ERI1: variants seen among roughly 807,000 people sequenced by gnomAD.
The protein encoded by ERI1 is 3'-5' exoribonuclease 1.
ERI1 carries 39 observed loss-of-function variants against 39.7 expected under a neutral mutation model. The ratio of observed to expected loss-of-function variants is 0.98; its 90% CI spans 0.76 to 1.28. The LOEUF (loss-of-function observed/expected upper bound fraction) is 1.28. Among genes scored for constraint, ERI1 ranks in the 50% most tolerant of loss-of-function variants. ERI1 has a pLI of 0.00. For missense variants in ERI1, 581 were observed against 416.9 expected (o/e 1.39, Z -3.43); for synonymous variants, 204 against 149.6 (o/e 1.36, Z -2.65).
In ERI1 at chr8:9,039,622, A is replaced by G. The variant is rs142110667; in HGVS notation, n.299+19158A>G. On this transcript the variant is annotated intron_variant and non_coding_transcript_variant, in intron 3 of 3. Coordinates refer to the ERI1 transcript ENST00000518663. ...TTGATGAAAGGCAAGATATTCTTTC[A>G]ATATAGGTGTGTACGTATATTGAAC... 2.0e-4 allele frequency among the ~76,000 whole-genome samples: 30 copies of G among 152,348 alleles called. 1 individual carries two copies. Among genetic ancestry groups the G allele is most frequent in the Non-Finnish European group, 2.4e-4 (16 of 68,014 alleles).
chr8:9,019,496 A>C (rs1817660127), intron 5 of ERI1, among the ~76,000 whole-genome samples: 1 of 152,202 alleles, frequency 6.6e-6, no homozygotes, highest in Admixed American at 6.5e-5. Context: ...GTTCTGGTAA[A>C]GTCTCATTTT....
intron 3 of ERI1, among the ~76,000 whole-genome samples, chr8:9,074,061 C>T (rs1014635618): frequency 2.0e-5 from 3 of 152,088 alleles, no homozygotes; most frequent in Admixed American, 2.0e-4. Context: ...GCTGGGATTA[C>T]AGGTGTATAA....
downstream of ERI1, among the ~76,000 whole-genome samples, chr8:9,034,885 C>T: frequency 6.6e-6 from 1 of 152,322 alleles, no homozygotes; most frequent in East Asian, 1.9e-4. Flanking sequence ...AAAAGTGCTG[C>T]TCCAGTGAGC....
At chr8:9,046,287 G>C (rs1798172919) in intron 3 of ERI1, among the ~76,000 whole-genome samples, 1 of 152,174 alleles carries the variant, frequency 6.6e-6, no homozygotes, top group South Asian at 2.1e-4. Context: ...TGCCCTCCGA[G>C]TGACAGTGAC....
intron 3 of ERI1, among the ~76,000 whole-genome samples, chr8:9,052,378 A>G (rs1176384007): frequency 6.6e-6 from 1 of 152,098 alleles, no homozygotes; most frequent in African/African-American, 2.4e-5. Context: ...CTTGCTACCA[A>G]AAGAACTGGA....
At chr8:9,034,447 C>G (rs538422318), downstream of ERI1, among the ~76,000 whole-genome samples, 2 of 152,304 alleles carry the variant, frequency 1.3e-5, no homozygotes, top group African/African-American at 4.8e-5. Context: ...ACTTTCACTT[C>G]ATGTCTCATA....
intron 3 of ERI1, among the ~76,000 whole-genome samples, chr8:9,062,206 T>C (rs1379508372): frequency 6.6e-6 from 1 of 151,792 alleles, no homozygotes; most frequent in African/African-American, 2.4e-5. Flanking sequence ...TGGGTAAGGG[T>C]GATTAAGTTT....
At chr8:9,062,098 G>A (rs1310493836) in intron 3 of ERI1, among the ~76,000 whole-genome samples, 8 of 152,118 alleles carry the variant, frequency 5.3e-5, no homozygotes, top group Admixed American at 2.0e-4. Flanking sequence ...AATTGTAAGG[G>A]GAGTTTATAG....
chr8:9,002,917 GGTGGCCGCTGGAGTTTGT>G lies in ERI1; in HGVS notation c.-138_-121del. 2.0e-6 allele frequency: 1 copy of G among 496,214 alleles called. No individual in the cohort carries two copies. The highest frequency in any genetic ancestry group is 3.2e-6 in the Non-Finnish European group (1 of 316,494). 30.7% of individuals were successfully genotyped at this position (496,214 alleles called of 1,614,324 possible). On this transcript the variant is annotated 5_prime_UTR_variant, in exon 1 of 7. Transcript: ENST00000250263. ...ACGCCACACGCTCCCGGAAGTGGGA[GGTGGCCGCTGGAGTTTGT>G]GTGGCCGCCGCCGCGGGAACGCGAG...
intron 3 of ERI1, among the ~76,000 whole-genome samples, chr8:9,099,075 TC>T (rs1320660681): frequency 6.6e-6 from 1 of 152,108 alleles, no homozygotes; most frequent in Non-Finnish European, 1.5e-5. Flanking sequence ...CCTCAAATGA[TC>T]CACCTGCCTC....
At chr8:9,009,893 A>G (rs184126992) in intron 2 of ERI1, among the ~76,000 whole-genome samples, 15 of 152,328 alleles carry the variant, frequency 9.8e-5, no homozygotes, top group Admixed American at 5.2e-4. Context: ...ACATGTGACA[A>G]TGATAGTGAA....
At chr8:9,027,557 C>G (rs1399837104) in intron 6 of ERI1, among the ~76,000 whole-genome samples, 2 of 152,064 alleles carry the variant, frequency 1.3e-5, no homozygotes, top group Non-Finnish European at 2.9e-5. Flanking sequence ...TTGTCCAATC[C>G]ATTGTCATAA....
intron 3 of ERI1, among the ~76,000 whole-genome samples, chr8:9,050,053 G>A (rs973606126): frequency 6.6e-6 from 1 of 151,920 alleles, no homozygotes; most frequent in African/African-American, 2.4e-5. Flanking sequence ...TTAACCTTCG[G>A]CTCCCTGGTC....
intron 3 of ERI1, among the ~76,000 whole-genome samples, chr8:9,078,115 G>A (rs1799263710): frequency 1.3e-5 from 2 of 152,008 alleles, no homozygotes; most frequent in African/African-American, 2.4e-5. Context: ...TCAGCCTCCC[G>A]AGTAGCTGGG....
chr8:9,004,763 T>C, intron 1 of ERI1, among the ~76,000 whole-genome samples: 1 of 38 alleles, frequency 0.026, no homozygotes, highest in Admixed American at 0.25. Context: ...CTCAGCTTAC[T>C]GCAACCTCCC....
chr8:9,080,756 C>A (rs1799343616), intron 3 of ERI1, among the ~76,000 whole-genome samples: 1 of 152,166 alleles, frequency 6.6e-6, no homozygotes, highest in Non-Finnish European at 1.5e-5. Flanking sequence ...CCCAAGGCAC[C>A]ACTCTCTCGG....
chr8:9,085,254 G>T (rs552094773), intron 3 of ERI1, among the ~76,000 whole-genome samples: 1 of 152,252 alleles, frequency 6.6e-6, no homozygotes, highest in East Asian at 1.9e-4. Context: ...TGTCACCCAG[G>T]CTGGAGTGCA....
intron 3 of ERI1, among the ~76,000 whole-genome samples, chr8:9,043,174 G>T (rs533527235): frequency 6.6e-6 from 1 of 152,274 alleles, no homozygotes; most frequent in East Asian, 1.9e-4. Flanking sequence ...GTGTATAATT[G>T]ATGCAAACCA....
rs111673549 is a variant in ERI1, at chr8:9,016,929, C to T, written c.582+524C>T. ...CTCGAACACCTAACCTCAAGTGTCC[C>T]GCCTCGGCCTGCCAAAGTGCTGGGA... On this transcript the variant is annotated intron_variant, in intron 4 of 6. Coordinates refer to ENST00000250263, the MANE Select transcript of ERI1 (RefSeq NM_153332.4). 8.0e-3 allele frequency among the ~76,000 whole-genome samples: 1,219 copies of T among 152,298 alleles called. 16 individuals carry two copies. The highest frequency in any genetic ancestry group is 0.028 in the African/African-American group (1,162 of 41,572).
Sources: gnomAD v4.1 joint callset for allele counts (sites outside exome capture counted in the v4.1 genomes callset) on GRCh38, gnomAD v4.1.1 for gene constraint, MANE v1.5 for transcripts, NCBI Gene and HGNC (gene_info 2026-07-23, HGNC 2026-07-21) for gene names.